The following TBKBP1 variants were observed in gnomAD, a reference collection of about 807,000 sequenced individuals.
TBKBP1 encodes the protein TBK1 binding protein 1, also known as TANK-binding kinase 1-binding protein 1.
Under a neutral mutation model 69.9 loss-of-function variants are expected in TBKBP1, and 47 were observed. The ratio of observed to expected loss-of-function variants is 0.67; its 90% CI spans 0.53 to 0.86. The LOEUF (loss-of-function observed/expected upper bound fraction) is 0.86, where lower values mean the gene tolerates loss of function less well. TBKBP1 is among the 40% of genes least tolerant of loss of function. The probability of loss-of-function intolerance (pLI) is 0.00; values close to 1 mark genes in which losing one functional copy is unlikely to be tolerated. For missense variants in TBKBP1, 831 were observed against 858.6 expected (o/e 0.97, Z 0.40); for synonymous variants, 418 against 390.3 (o/e 1.07, Z -0.84).
chr17:47,708,351 ACCCACTGCCCTTCTCGTCTTT>A lies in TBKBP1; in HGVS notation c.873-31_873-11del. 1 of 1,602,398 alleles carries A rather than the reference ACCCACTGCCCTTCTCGTCTTT, an allele frequency of 6.2e-7. No individual in the cohort carries two copies. The highest frequency in any genetic ancestry group is 1.1e-5 in the South Asian group (1 of 90,592). On this transcript the variant is annotated intron_variant, in intron 7 of 9. Transcript: ENST00000578982. This position sits in a 1 kb window ranked among gnomAD's most constrained non-coding sequence, Gnocchi z 4.4. ...TCTTCCTCCACAGCTGGGACGGTAGACCCACTGCCCTTCTCGTCTTTCCCACTGCCCTCTGACTTCAGGGTG... is the reference window on the plus strand; with the variant it reads ...TCTTCCTCCACAGCTGGGACGGTAGACCCACTGCCCTCTGACTTCAGGGTG...
At chr17:47,705,143 C>G in intron 7 of TBKBP1, among the ~76,000 whole-genome samples, 1 of 151,940 alleles carries the variant, frequency 6.6e-6, no homozygotes, top group East Asian at 1.9e-4. Context: ...TCCTCTTCGT[C>G]TTTCCCTTCT....
Position 47,708,789 on chromosome 17 carries a change from G to A in TBKBP1, c.1056G>A (p.Pro352=), listed in dbSNP as rs1427357200. 4.2e-5 allele frequency: 14 copies of A among 331,030 alleles called. No individual in the cohort carries two copies. The East Asian group carries it at 6.9e-4, about 16-fold the overall frequency. 20.5% of individuals were successfully genotyped at this position (331,030 alleles called of 1,614,324 possible). ...SPAPQCPSPS[P]PARAAPPCPP... is the part of the protein sequence containing the mutation. Reference sequence around the variant, plus strand: ...CCCCCCAGTGCCCCTCCCCCTCCCCGCCTGCCCGAGCGGCTCCCCCGTGCC... The same window carrying A: ...CCCCCCAGTGCCCCTCCCCCTCCCCACCTGCCCGAGCGGCTCCCCCGTGCC... Residue 352 remains proline (P), a synonymous_variant, in exon 9 of 10, where the codon CCG becomes CCA. Coordinates refer to ENST00000578982, the MANE Select transcript of TBKBP1 (RefSeq NM_001394755.1). The surrounding 1 kb of genome is among the most constrained non-coding windows in gnomAD (Gnocchi z 4.4).
At position 47,708,545 on chromosome 17, in the gene TBKBP1, C is replaced by CGG. The variant is rs1567909739; in HGVS notation, c.991+35_991+36dup. The CGG allele has an allele frequency of 2.5e-6, 4 of 1,606,582 alleles. No individual in the cohort carries two copies. The highest frequency in any genetic ancestry group is 1.7e-4 in the Middle Eastern group (1 of 6,026). On this transcript the variant is annotated intron_variant, in intron 8 of 9. Coordinates refer to ENST00000578982, the MANE Select transcript of TBKBP1 (RefSeq NM_001394755.1). The surrounding 1 kb of genome is among the most constrained non-coding windows in gnomAD (Gnocchi z 4.4). ...GGGGCAGGGCAGGGGGAGGCAGCCGCGGGACCCGGGAAGGAGCGGGTAGCC... is the reference window on the plus strand; with the variant it reads ...GGGGCAGGGCAGGGGGAGGCAGCCGCGGGGGACCCGGGAAGGAGCGGGTAGCC...
rs1235079983 is a variant in TBKBP1 at position 47,711,113 on chromosome 17, G to C, written c.*487G>C. The C allele has an allele frequency of 6.5e-6, 1 of 153,142 alleles. No homozygotes were observed. Among genetic ancestry groups the C allele is most frequent in the Non-Finnish European group, 1.5e-5 (1 of 68,656 alleles). 9.5% of individuals were successfully genotyped at this position (153,142 alleles called of 1,614,324 possible). A position where few individuals can be genotyped will look rare whatever the true frequency, so the allele number is the denominator to read the frequency against. On this transcript the variant is annotated 3_prime_UTR_variant, in exon 10 of 10. Transcript: ENST00000578982. ...GAGCCTGCTCTGTGCACTGACCCCA[G>C]TTCCTCCATCCTGTGGCCAGCCTAG...
In TBKBP1 at chr17:47,708,812, GC is replaced by G; in HGVS notation, c.1085del (p.Pro362ArgfsTer91). The G allele has an allele frequency of 1.1e-5, 9 of 838,340 alleles. No individual in the cohort carries two copies. The highest frequency in any genetic ancestry group is 1.7e-5 in the South Asian group (1 of 58,086). 51.9% of individuals were successfully genotyped at this position (838,340 alleles called of 1,614,324 possible). On this transcript the variant is annotated frameshift_variant, in exon 9 of 10. Transcript: ENST00000578982. LOFTEE classifies it high-confidence loss of function. The surrounding 1 kb of genome is among the most constrained non-coding windows in gnomAD (Gnocchi z 4.4). ...CCGCCTGCCCGAGCGGCTCCCCCGT[GC>G]CCCCCGTGCCAGTCCCCCGTCCCCC... ...PSPPARAAPP[C>X]PPCQSPVPQR...
Position 47,699,323 on chromosome 17 carries a change from G to A in TBKBP1, c.638G>A (p.Gly213Asp). 3.9e-6 allele frequency: 6 copies of A among 1,524,170 alleles called. No homozygotes were observed. Among genetic ancestry groups the A allele is most frequent in the Non-Finnish European group, 4.4e-6 (5 of 1,141,476 alleles). The allele number at this position is 1,524,170 out of a possible 1,614,324, so 94.4% of individuals were successfully genotyped here. A position where few individuals can be genotyped will look rare whatever the true frequency, so the allele number is the denominator to read the frequency against. ...LRGGSGLSHAGWPGSTPSVSD... is the reference protein window; with the variant it reads ...LRGGSGLSHADWPGSTPSVSD... ...ACGTTGTCCTGTCCACCGACAGCAG[G>A]CTGGCCGGGCTCCACACCCAGTGTG... The change falls in exon 6 of 10, where the codon GGC (glycine) becomes GAC (aspartate). Residue 213 changes from glycine (G) to aspartate (D), a missense_variant. Transcript: ENST00000578982.
In TBKBP1 at chr17:47,696,066, C is replaced by T. The variant is rs1597953104; in HGVS notation, c.-34-13C>T. 1 of 1,496,332 alleles carries T rather than the reference C, an allele frequency of 6.7e-7. No homozygotes were observed. 92.7% of individuals were successfully genotyped at this position (1,496,332 alleles called of 1,614,324 possible). On this transcript the variant is annotated splice_polypyrimidine_tract_variant and intron_variant, in intron 1 of 9. Coordinates refer to ENST00000578982, the MANE Select transcript of TBKBP1 (RefSeq NM_001394755.1). ...ACAGACGGCCCTGTCCACGGTTGCT[C>T]CTGCTCTCCTAGGAGGCCCCGTGTG...
In TBKBP1 at chr17:47,703,919, G is replaced by A. The variant is rs186211422; in HGVS notation, c.872+4222G>A. On this transcript the variant is annotated intron_variant, in intron 7 of 9. Coordinates refer to ENST00000578982, the MANE Select transcript of TBKBP1 (RefSeq NM_001394755.1). ...AGAAATTCAGTGCAGATGCCAAGTGGGTCCTGAGCAGATCGGGTGATGGCA... is the reference window on the plus strand; with the variant it reads ...AGAAATTCAGTGCAGATGCCAAGTGAGTCCTGAGCAGATCGGGTGATGGCA... 1.8e-3 allele frequency among the ~76,000 whole-genome samples: 275 copies of A among 152,270 alleles called. 1 individual carries two copies. In the South Asian group the frequency reaches 0.028, roughly 16 times the overall value.
chr17:47,711,858 A>C lies in TBKBP1; in HGVS notation c.*1232A>C, dbSNP rs1294996737. 6.6e-6 allele frequency: 1 copy of C among 151,492 alleles called. No individual in the cohort carries two copies. Among genetic ancestry groups the C allele is most frequent in the Non-Finnish European group, 1.5e-5 (1 of 67,914 alleles). The allele number at this position is 151,492 out of a possible 1,614,324, so 9.4% of individuals were successfully genotyped here. A position where few individuals can be genotyped will look rare whatever the true frequency, so the allele number is the denominator to read the frequency against. The stretch of plus-strand genomic sequence containing the variant: ...CTCTTATCCAACTCTTCCAGGCCCC[A>C]CCTCCCTGCACCCCTCCCCTCTATA... On this transcript the variant is annotated 3_prime_UTR_variant, in exon 10 of 10. Coordinates refer to ENST00000578982, the MANE Select transcript of TBKBP1 (RefSeq NM_001394755.1).
intron 7 of TBKBP1, among the ~76,000 whole-genome samples, chr17:47,700,786 G>A (rs550511886): frequency 7.9e-5 from 12 of 152,204 alleles, no homozygotes; most frequent in South Asian, 2.1e-4. Context: ...AGCAGAGAGC[G>A]GCAAGGGAGC....
At chr17:47,695,338 G>A (rs959019534) in intron 1 of TBKBP1, 1 of 152,420 alleles carries the variant, frequency 6.6e-6, no homozygotes, top group African/African-American at 2.4e-5. Context: ...CCCCCTCGTA[G>A]GGTTCCCCAT....
Position 47,700,289 on chromosome 17 carries a change from C to CTTTTTTTTTTTTT in TBKBP1, c.872+607_872+619dup, listed in dbSNP as rs774797034. On this transcript the variant is annotated intron_variant, in intron 7 of 9. Coordinates refer to ENST00000578982, the MANE Select transcript of TBKBP1 (RefSeq NM_001394755.1). ...TAGGAGTGAGCCACTGCGCCCGGACCTTTTTTTTTTTTTTTTTTTTTTTTT... is the reference window on the plus strand; with the variant it reads ...TAGGAGTGAGCCACTGCGCCCGGACCTTTTTTTTTTTTTTTTTTTTTTTTTTTTTTTTTTTTTT... Among the ~76,000 whole-genome samples the CTTTTTTTTTTTTT allele has an allele frequency of 6.8e-3, 281 of 41,442 alleles. 37 individuals are homozygous for CTTTTTTTTTTTTT. Among genetic ancestry groups the CTTTTTTTTTTTTT allele is most frequent in the African/African-American group, 0.015 (111 of 7,288 alleles). The allele number at this position is 41,442 out of a possible 152,430, so 27.2% of individuals were successfully genotyped here.
chr17:47,706,867 A>ACACACACACG (rs879677637), intron 7 of TBKBP1, among the ~76,000 whole-genome samples: 128 of 148,896 alleles, frequency 8.6e-4, no homozygotes, highest in Non-Finnish European at 1.6e-3. Context: ...ACACACACAC[A>ACACACACACG]CACGCACACA....
chr17:47,697,864 G>A lies in TBKBP1; in HGVS notation c.453+671G>A, dbSNP rs888774865. On this transcript the variant is annotated intron_variant, in intron 4 of 9. Coordinates refer to ENST00000578982, the MANE Select transcript of TBKBP1 (RefSeq NM_001394755.1). ...CTCAGGAGGCTGAGGTGGGAGGATC[G>A]CTTTAGCCCAGGAGATCGAAGCTTT... 4.7e-5 allele frequency among the ~76,000 whole-genome samples: 7 copies of A among 149,058 alleles called. 1 individual carries two copies. In the South Asian group the frequency reaches 8.5e-4, roughly 18 times the overall value.
chr17:47,700,311 T>TTTTTTTTTTTTTTTG (rs2031449547), intron 7 of TBKBP1, among the ~76,000 whole-genome samples: 2 of 118,550 alleles, frequency 1.7e-5, no homozygotes, highest in Non-Finnish European at 3.5e-5. Context: ...TTTTTTTTTT[T>TTTTTTTTTTTTTTTG]TTTTTGGATT....
intron 5 of TBKBP1, 40 bp from the exon 6 acceptor site, chr17:47,699,280 G>C (rs1474974700): frequency 2.7e-6 from 4 of 1,473,292 alleles, no homozygotes; most frequent in Non-Finnish European, 3.6e-6. Context: ...AGCTGGAGGA[G>C]GCAGCTGAGC....
intron 7 of TBKBP1, among the ~76,000 whole-genome samples, chr17:47,703,212 C>T (rs368004856): frequency 3.3e-5 from 5 of 152,132 alleles, no homozygotes; most frequent in South Asian, 2.1e-4. Context: ...CCTCCCCCCC[C>T]ACCCCTCTCT....
chr17:47,703,160 G>T (rs566588730), intron 7 of TBKBP1, among the ~76,000 whole-genome samples: 1 of 152,044 alleles, frequency 6.6e-6, no homozygotes, highest in Non-Finnish European at 1.5e-5. Context: ...TCTTCCCAAC[G>T]TTGGGGGCTC....
At chr17:47,701,185 T>C (rs1464656186) in intron 7 of TBKBP1, among the ~76,000 whole-genome samples, 1 of 152,154 alleles carries the variant, frequency 6.6e-6, no homozygotes, top group African/African-American at 2.4e-5. Flanking sequence ...GAGTGAGGGC[T>C]TGGGTGGAGC....
Sources: allele counts gnomAD v4.1 joint callset (sites outside exome capture counted in the v4.1 genomes callset), GRCh38; gene constraint gnomAD v4.1.1; non-coding constraint Gnocchi (gnomAD v3.1); transcripts MANE v1.5; gene names NCBI Gene and HGNC (gene_info 2026-07-23, HGNC 2026-07-21).